NEGR1: variants seen among roughly 807,000 people sequenced by gnomAD.
NEGR1 encodes the protein IgLON family member 4.
NEGR1 carries 10 observed loss-of-function variants against 40.9 expected under a neutral mutation model. The observed-to-expected ratio is 0.24, with a 90% CI of 0.15 to 0.42. The LOEUF is 0.42. Among genes scored for constraint, NEGR1 ranks in the 10% least tolerant of loss-of-function variants. The pLI, the probability that NEGR1 is intolerant of heterozygous loss-of-function variation, is 1.00. For synonymous variants in NEGR1, 185 were observed against 166.8 expected (o/e 1.11, Z -0.84); for missense variants, 352 against 438.9 (o/e 0.80, Z 1.77).
At chr1:71,858,120 G>C (rs1427008141) in intron 2 of NEGR1, among the ~76,000 whole-genome samples, 1 of 151,910 alleles carries the variant, frequency 6.6e-6, no homozygotes, top group Non-Finnish European at 1.5e-5. Flanking sequence ...ATCATCACTG[G>C]TCACTCTCTG....
intron 1 of NEGR1, among the ~76,000 whole-genome samples, chr1:72,133,767 A>T (rs1461223314): frequency 6.6e-6 from 1 of 151,520 alleles, no homozygotes; most frequent in East Asian, 1.9e-4. Context: ...TAGTTAATAT[A>T]GAAAAAATAA....
At chr1:72,267,268 C>A (rs570745450) in intron 1 of NEGR1, among the ~76,000 whole-genome samples, 4 of 150,860 alleles carry the variant, frequency 2.7e-5, no homozygotes, top group Admixed American at 6.6e-5. Context: ...ACATACAATG[C>A]ATATGTAATT....
chr1:72,224,527 A>G (rs1219043648), intron 1 of NEGR1, among the ~76,000 whole-genome samples: 1 of 152,072 alleles, frequency 6.6e-6, no homozygotes, highest in African/African-American at 2.4e-5. Flanking sequence ...AATTCTCATA[A>G]CTTCCCCATG....
At chr1:71,971,583 G>A (rs368349218) in intron 1 of NEGR1, among the ~76,000 whole-genome samples, 2 of 152,254 alleles carry the variant, frequency 1.3e-5, no homozygotes, top group South Asian at 4.1e-4. Flanking sequence ...AAAGTACTAG[G>A]TAGATAATAA....
intron 6 of NEGR1, among the ~76,000 whole-genome samples, chr1:71,520,999 T>C (rs1428741262): frequency 1.3e-5 from 2 of 152,054 alleles, no homozygotes; most frequent in East Asian, 3.9e-4. Context: ...TTTTGCAAGT[T>C]GCTGGAGAAA....
At chr1:71,757,570 A>AT (rs986792204) in intron 3 of NEGR1, among the ~76,000 whole-genome samples, 1 of 151,918 alleles carries the variant, frequency 6.6e-6, no homozygotes, top group Non-Finnish European at 1.5e-5. Flanking sequence ...ATTTTGACAG[A>AT]TTTTTTTTCT....
chr1:72,245,973 T>G (rs536915092), intron 1 of NEGR1, among the ~76,000 whole-genome samples: 1 of 152,276 alleles, frequency 6.6e-6, no homozygotes, highest in East Asian at 1.9e-4. Context: ...ATTTAAAAAA[T>G]ATCTAAATAT....
chr1:72,250,270 C>T (rs1255062648), intron 1 of NEGR1, among the ~76,000 whole-genome samples: 1 of 151,976 alleles, frequency 6.6e-6, no homozygotes, highest in African/African-American at 2.4e-5. Context: ...CCCAACAGCA[C>T]CCCCCAAGCC....
At chr1:71,719,462 A>C (rs1280160303) in intron 3 of NEGR1, among the ~76,000 whole-genome samples, 1 of 152,076 alleles carries the variant, frequency 6.6e-6, no homozygotes, top group Non-Finnish European at 1.5e-5. Flanking sequence ...ATCATGCCCT[A>C]TTCTTGGTGG....
intron 2 of NEGR1, among the ~76,000 whole-genome samples, chr1:71,838,657 C>T (rs1392973906): frequency 6.6e-6 from 1 of 152,104 alleles, no homozygotes; most frequent in Admixed American, 6.6e-5. Flanking sequence ...TAGTCTTGAA[C>T]TCTACTCTGT....
rs909575988 is a variant in NEGR1, at chr1:71,527,561, T to C, written c.940+65256A>G. Among the ~76,000 whole-genome samples the C allele has an allele frequency of 1.5e-4, 23 of 151,542 alleles. 1 individual carries two copies. Among genetic ancestry groups the C allele is most frequent in the African/African-American group, 5.1e-4 (21 of 41,372 alleles). On this transcript the variant is annotated intron_variant, in intron 6 of 6. Transcript: ENST00000357731. Reference sequence around the variant, plus strand: ...TTGCTATTGTGTGATTATTTGATAGTTGAATATTTTCACCCCTCTCTATTC... The same window carrying C: ...TTGCTATTGTGTGATTATTTGATAGCTGAATATTTTCACCCCTCTCTATTC...
chr1:71,818,847 A>G (rs954035273), intron 2 of NEGR1, among the ~76,000 whole-genome samples: 1 of 151,980 alleles, frequency 6.6e-6, no homozygotes. Flanking sequence ...CACGACATCC[A>G]TAGGAGCAAA....
At chr1:72,152,171 C>T (rs955352426) in intron 1 of NEGR1, among the ~76,000 whole-genome samples, 1 of 151,128 alleles carries the variant, frequency 6.6e-6, no homozygotes, top group African/African-American at 2.4e-5. Context: ...TATTCTTTGA[C>T]CATAATCTAA....
At chr1:71,569,294 T>C (rs1648738085) in intron 6 of NEGR1, among the ~76,000 whole-genome samples, 1 of 152,048 alleles carries the variant, frequency 6.6e-6, no homozygotes, top group Non-Finnish European at 1.5e-5. Flanking sequence ...CTTAGATAAA[T>C]GAATGAATCA....
At chr1:71,845,765 A>G (rs573030150) in intron 2 of NEGR1, among the ~76,000 whole-genome samples, 1 of 151,988 alleles carries the variant, frequency 6.6e-6, no homozygotes, top group South Asian at 2.1e-4. Context: ...CTACATATCT[A>G]TCTATTTATT....
At chr1:71,922,843 G>T (rs560517118) in intron 2 of NEGR1, among the ~76,000 whole-genome samples, 1 of 152,258 alleles carries the variant, frequency 6.6e-6, no homozygotes, top group African/African-American at 2.4e-5. Flanking sequence ...CTTCTCAGAG[G>T]ATGGAGGTGA....
At chr1:71,641,777 C>T (rs1031361356) in intron 4 of NEGR1, among the ~76,000 whole-genome samples, 37 of 151,958 alleles carry the variant, frequency 2.4e-4, no homozygotes, top group Non-Finnish European at 7.4e-5. Flanking sequence ...CTGAAAAGCT[C>T]CTGTTTCAGC....
intron 1 of NEGR1, chr1:72,100,640 A>T (rs1648898572): frequency 6.6e-6 from 1 of 152,160 alleles, no homozygotes; most frequent in Non-Finnish European, 1.5e-5. Context: ...TTTGTTTATT[A>T]TTTAGCAATT....
At chr1:72,257,321 C>CAAAAAAAAAAAA (rs34220734) in intron 1 of NEGR1, among the ~76,000 whole-genome samples, 1 of 57,134 alleles carries the variant, frequency 1.8e-5, no homozygotes, top group African/African-American at 6.6e-5. Flanking sequence ...GACTCTGTCT[C>CAAAAAAAAAAAA]AAAAAAAAAA....
Sources: gnomAD v4.1 joint callset for allele counts (sites outside exome capture counted in the v4.1 genomes callset) on GRCh38, gnomAD v4.1.1 for gene constraint, MANE v1.5 for transcripts, NCBI Gene and HGNC (gene_info 2026-07-23, HGNC 2026-07-21) for gene names.